The following TRHDE variants were observed in gnomAD, a reference collection of about 807,000 sequenced individuals.
TRHDE encodes the protein thyrotropin releasing hormone degrading enzyme.
TRHDE carries 72 observed loss-of-function variants against 125.7 expected under a neutral mutation model. That is an observed-to-expected ratio of 0.57 (90% CI 0.47 to 0.70). The LOEUF (loss-of-function observed/expected upper bound fraction) is 0.70. Among genes scored for constraint, TRHDE ranks in the 30% least tolerant of loss-of-function variants. The probability of loss-of-function intolerance (pLI) is 0.00; values close to 1 mark genes in which losing one functional copy is unlikely to be tolerated. For missense variants in TRHDE, 1,110 were observed against 1,327.1 expected (o/e 0.84, Z 2.54); for synonymous variants, 509 against 509.1 (o/e 1.00, Z 0.00).
chr12:72,540,153 T>C (rs1420759508), intron 6 of TRHDE, among the ~76,000 whole-genome samples: 1 of 151,752 alleles, frequency 6.6e-6, no homozygotes, highest in Non-Finnish European at 1.5e-5. Context: ...TTCTATAAAA[T>C]AAGGATTTTT....
chr12:72,520,376 A>T (rs1442119218), intron 6 of TRHDE, among the ~76,000 whole-genome samples: 1 of 152,178 alleles, frequency 6.6e-6, no homozygotes, highest in Non-Finnish European at 1.5e-5. Context: ...GGAAAAGCGC[A>T]GTATTCGGGT....
intron 15 of TRHDE, among the ~76,000 whole-genome samples, chr12:72,633,622 T>C (rs1477800724): frequency 6.6e-6 from 1 of 152,098 alleles, no homozygotes; most frequent in Non-Finnish European, 1.5e-5. Flanking sequence ...CCTAGTGATC[T>C]TTCCACCCAT....
intron 3 of TRHDE, among the ~76,000 whole-genome samples, chr12:72,396,933 G>A (rs888080484): frequency 3.6e-4 from 54 of 152,060 alleles, no homozygotes; most frequent in African/African-American, 1.3e-3. Context: ...TTTCTCTAGT[G>A]TATCTCTCTC....
At chr12:72,520,006 G>C (rs745758173) in intron 6 of TRHDE, among the ~76,000 whole-genome samples, 55 of 152,284 alleles carry the variant, frequency 3.6e-4, no homozygotes, top group Non-Finnish European at 4.4e-4. Flanking sequence ...GTTCTCAGAT[G>C]TCCAGCTGTG....
intron 2 of TRHDE, among the ~76,000 whole-genome samples, chr12:72,131,505 A>G (rs1468403662): frequency 2.6e-5 from 4 of 152,062 alleles, no homozygotes; most frequent in African/African-American, 9.7e-5. Flanking sequence ...TTTCCCATAT[A>G]TCTTTTGGGA....
intron 3 of TRHDE, among the ~76,000 whole-genome samples, chr12:72,430,883 A>G (rs921749782): frequency 1.1e-4 from 17 of 152,114 alleles, no homozygotes; most frequent in African/African-American, 3.9e-4. Context: ...ATCCATAAAC[A>G]TAGGATGCTT....
chr12:72,585,397 C>T (rs200846838), intron 12 of TRHDE, among the ~76,000 whole-genome samples: 5 of 152,122 alleles, frequency 3.3e-5, no homozygotes, highest in Non-Finnish European at 4.4e-5. Context: ...TATTTTTGTT[C>T]GGTCCCTTTC....
At chr12:72,635,194 C>T (rs1422095139) in intron 15 of TRHDE, among the ~76,000 whole-genome samples, 12 of 151,958 alleles carry the variant, frequency 7.9e-5, no homozygotes, top group African/African-American at 2.9e-4. Context: ...GATTGCCATT[C>T]TAACTGGTGT....
At chr12:72,534,580 AGAT>A (rs1212221863) in intron 6 of TRHDE, among the ~76,000 whole-genome samples, 1 of 151,988 alleles carries the variant, frequency 6.6e-6, no homozygotes, top group African/African-American at 2.4e-5. Context: ...TAGCATAAAA[AGAT>A]GATATTGATG....
chr12:72,317,101 A>G (rs1182575533), intron 2 of TRHDE, among the ~76,000 whole-genome samples: 1 of 152,198 alleles, frequency 6.6e-6, no homozygotes, highest in Non-Finnish European at 1.5e-5. Flanking sequence ...TCATAATTCC[A>G]TTTTTATAGG....
chr12:72,652,639 T>G (rs113775451), intron 16 of TRHDE, 150 bp downstream of exon 16: 108 of 459,948 alleles, frequency 2.3e-4, no homozygotes, highest in African/African-American at 2.0e-3. Flanking sequence ...TGTTAATGAC[T>G]AAAGCTACTT....
chr12:72,198,527 G>A (rs1385864302), intron 2 of TRHDE, among the ~76,000 whole-genome samples: 4 of 152,066 alleles, frequency 2.6e-5, no homozygotes, highest in African/African-American at 9.7e-5. Context: ...TATACGGCCT[G>A]CTTTTTTAAC....
In TRHDE at chr12:72,273,166, C is replaced by A. The variant is rs1565679615; in HGVS notation, c.523C>A (p.Arg175=). 2 of 1,585,016 alleles carry A rather than the reference C, an allele frequency of 1.3e-6. No individual in the cohort carries two copies. ...GGCCCAGCCGCCGTCGGAGGAGGAG[C>A]GGGAGCCGTGGGAGCCGTGGACGCA... ...TSAQPPSEEE[R]EPWEPWTQLR... is the part of the protein sequence containing the mutation. Residue 175 remains arginine, a synonymous_variant, in exon 1 of 19, where the codon CGG becomes AGG. Transcript: ENST00000261180. This position sits in a 1 kb window ranked among gnomAD's most constrained non-coding sequence, Gnocchi z 5.3.
At chr12:72,388,489 A>G (rs903319539) in intron 3 of TRHDE, among the ~76,000 whole-genome samples, 2 of 152,218 alleles carry the variant, frequency 1.3e-5, no homozygotes, top group Non-Finnish European at 2.9e-5. Flanking sequence ...GTGGCACTCA[A>G]TAAATTCTTG....
At chr12:72,428,695 T>C (rs1874294395) in intron 3 of TRHDE, among the ~76,000 whole-genome samples, 2 of 152,144 alleles carry the variant, frequency 1.3e-5, no homozygotes, top group Admixed American at 6.6e-5. Context: ...TCACAACATG[T>C]GTAGTCATCG....
chr12:72,640,954 A>T (rs1030924893), intron 15 of TRHDE, among the ~76,000 whole-genome samples: 2 of 152,212 alleles, frequency 1.3e-5, no homozygotes, highest in Non-Finnish European at 2.9e-5. Flanking sequence ...ATTGTCTTGG[A>T]AAATAATTAA....
At chr12:72,172,206 C>T (rs916364193) in intron 2 of TRHDE, among the ~76,000 whole-genome samples, 22 of 152,048 alleles carry the variant, frequency 1.4e-4, no homozygotes, top group Admixed American at 5.9e-4. Context: ...AAGTAACAAA[C>T]GGGACGGAAT....
chr12:72,112,486 T>C (rs909156774), intron 2 of TRHDE, among the ~76,000 whole-genome samples: 1 of 152,176 alleles, frequency 6.6e-6, no homozygotes, highest in Admixed American at 6.6e-5. Flanking sequence ...GACTGCTTTC[T>C]CCAGTAAATA....
chr12:72,498,433 G>A (rs1878008729), intron 5 of TRHDE, among the ~76,000 whole-genome samples: 1 of 152,126 alleles, frequency 6.6e-6, no homozygotes, highest in Non-Finnish European at 1.5e-5. Context: ...TCAAAACTAG[G>A]AGACACCAGG....
Sources: allele counts gnomAD v4.1 joint callset (sites outside exome capture counted in the v4.1 genomes callset), GRCh38; gene constraint gnomAD v4.1.1; non-coding constraint Gnocchi (gnomAD v3.1); transcripts MANE v1.5; gene names NCBI Gene and HGNC (gene_info 2026-07-23, HGNC 2026-07-21).